GPAT4: variants seen among roughly 807,000 people sequenced by gnomAD.
GPAT4 encodes 1-AGP acyltransferase 6.
GPAT4 carries 17 observed loss-of-function variants against 58.0 expected under a neutral mutation model. The observed-to-expected ratio is 0.29, with a 90% CI of 0.20 to 0.44. The LOEUF (loss-of-function observed/expected upper bound fraction) is 0.44. Ranked by LOEUF, GPAT4 falls within the 20% of genes least tolerant of loss-of-function variation. The pLI is 1.00. For synonymous variants in GPAT4, 204 were observed against 210.1 expected (o/e 0.97, Z 0.25); for missense variants, 377 against 574.5 (o/e 0.66, Z 3.51).
intron 7 of GPAT4, 25 bp downstream of exon 7, chr8:41,612,298 T>C: frequency 6.2e-7 from 1 of 1,612,286 alleles, no homozygotes; most frequent in Non-Finnish European, 8.5e-7. Flanking sequence ...CGGTGCGTTC[T>C]TGAGGCAAGA....
At chr8:41,608,029 A>G (rs770205486) in intron 2 of GPAT4, among the ~76,000 whole-genome samples, 6 of 152,188 alleles carry the variant, frequency 3.9e-5, no homozygotes, top group Non-Finnish European at 7.3e-5. Flanking sequence ...TTATATTAAC[A>G]TTTTTAAAGG....
In GPAT4 at chr8:41,609,984, C is replaced by T. The variant is rs752825794; in HGVS notation, c.536+29C>T. ...AGGCAGGGCCTGCGGGAGTGGGGCTCGCTGCTGCCACCCCACGTGGTGCAC... is the reference window on the plus strand; with the variant it reads ...AGGCAGGGCCTGCGGGAGTGGGGCTTGCTGCTGCCACCCCACGTGGTGCAC... On this transcript the variant is annotated intron_variant, in intron 4 of 12. Transcript: ENST00000396987. 129 of 1,567,038 alleles carry T rather than the reference C, an allele frequency of 8.2e-5. 2 individuals are homozygous for T. In the Admixed American group the frequency reaches 1.2e-3, roughly 15 times the overall value.
At chr8:41,610,183 T>C (rs1803400504) in intron 4 of GPAT4, 2 of 1,378,666 alleles carry the variant, frequency 1.5e-6, no homozygotes, top group Admixed American at 6.7e-5. Context: ...GACAGCTTGC[T>C]TCTCTAGATG....
intron 12 of GPAT4, among the ~76,000 whole-genome samples, chr8:41,619,636 C>T (rs962189676): frequency 2.0e-5 from 3 of 152,216 alleles, no homozygotes; most frequent in African/African-American, 7.2e-5. Flanking sequence ...TTATCCCAAA[C>T]AGTAGGAGAC....
intron 1 of GPAT4, among the ~76,000 whole-genome samples, chr8:41,587,731 A>G (rs916761838): frequency 2.6e-5 from 4 of 152,224 alleles, no homozygotes; most frequent in African/African-American, 9.6e-5. Context: ...GGGTAAAAAA[A>G]TCACCCTTGG....
chr8:41,587,490 C>G (rs1198683005), intron 1 of GPAT4, among the ~76,000 whole-genome samples: 1 of 152,170 alleles, frequency 6.6e-6, no homozygotes, highest in Non-Finnish European at 1.5e-5. Flanking sequence ...GTCAGTATCC[C>G]AGCACATATT....
At chr8:41,596,781 C>T (rs948267272) in intron 1 of GPAT4, among the ~76,000 whole-genome samples, 12 of 152,310 alleles carry the variant, frequency 7.9e-5, no homozygotes, top group African/African-American at 2.2e-4. Context: ...GGACTAGCCG[C>T]GGACAAGAAC....
intron 1 of GPAT4, among the ~76,000 whole-genome samples, chr8:41,583,133 C>T (rs1481969178): frequency 6.6e-6 from 1 of 151,600 alleles, no homozygotes; most frequent in Non-Finnish European, 1.5e-5. Context: ...GGCTGAGGCA[C>T]GAGAATTGCT....
At chr8:41,586,239 C>T (rs971360712) in intron 1 of GPAT4, among the ~76,000 whole-genome samples, 1 of 152,140 alleles carries the variant, frequency 6.6e-6, no homozygotes, top group African/African-American at 2.4e-5. Flanking sequence ...CATGTTATAG[C>T]GTGTATCATT....
intron 1 of GPAT4, among the ~76,000 whole-genome samples, chr8:41,592,229 G>A (rs1802808692): frequency 6.6e-6 from 1 of 152,132 alleles, no homozygotes; most frequent in Admixed American, 6.5e-5. Context: ...CTGCCCACTG[G>A]TTGGGTAATT....
At chr8:41,595,871 G>T (rs556016685) in intron 1 of GPAT4, among the ~76,000 whole-genome samples, 3 of 151,474 alleles carry the variant, frequency 2.0e-5, no homozygotes, top group Non-Finnish European at 4.4e-5. Flanking sequence ...GTCTTTCCTT[G>T]CCTCTGCCAG....
At chr8:41,580,685 T>C (rs1802487502) in intron 1 of GPAT4, among the ~76,000 whole-genome samples, 1 of 152,232 alleles carries the variant, frequency 6.6e-6, no homozygotes. Context: ...CAGGATGGAC[T>C]TTTCTTTTGT....
At chr8:41,608,783 G>A (rs1014142970) in intron 2 of GPAT4, among the ~76,000 whole-genome samples, 5 of 151,954 alleles carry the variant, frequency 3.3e-5, no homozygotes, top group Non-Finnish European at 5.9e-5. Context: ...CTTAATGAAC[G>A]CAGCTAGTGA....
intron 1 of GPAT4, among the ~76,000 whole-genome samples, chr8:41,596,785 C>G (rs1305376881): frequency 6.6e-6 from 1 of 152,198 alleles, no homozygotes; most frequent in Admixed American, 6.5e-5. Flanking sequence ...TAGCCGCGGA[C>G]AAGAACACCT....
intron 9 of GPAT4, 55 bp downstream of exon 9, chr8:41,614,496 T>C (rs1447592396): frequency 1.3e-6 from 2 of 1,553,374 alleles, no homozygotes; most frequent in Non-Finnish European, 1.8e-6. Context: ...AGGAGTGTGA[T>C]GCTGATGTTT....
chr8:41,618,866 G>A, intron 11 of GPAT4, 32 bp from the exon 12 acceptor site: 1 of 1,614,218 alleles, frequency 6.2e-7, no homozygotes, highest in South Asian at 1.1e-5. Flanking sequence ...GTCAAGCCGG[G>A]GCTGAGTGGT....
intron 2 of GPAT4, 109 bp from the exon 3 acceptor site, chr8:41,609,307 G>C (rs1054786684): frequency 8.7e-7 from 1 of 1,146,124 alleles, no homozygotes; most frequent in South Asian, 1.3e-5. Context: ...TCTTGGCTAC[G>C]GTCTTAGGTG....
intron 1 of GPAT4, among the ~76,000 whole-genome samples, chr8:41,595,906 C>G (rs1190100204): frequency 6.6e-6 from 1 of 152,062 alleles, no homozygotes; most frequent in African/African-American, 2.4e-5. Context: ...GTTCTCTCAA[C>G]CACTGTGGCG....
intron 1 of GPAT4, among the ~76,000 whole-genome samples, chr8:41,595,756 C>G (rs1056940341): frequency 6.6e-6 from 1 of 152,084 alleles, no homozygotes; most frequent in Non-Finnish European, 1.5e-5. Context: ...CTCTTCCTCT[C>G]TCTCTGCCTC....
Sources: gnomAD v4.1 joint callset for allele counts (sites outside exome capture counted in the v4.1 genomes callset) on GRCh38, gnomAD v4.1.1 for gene constraint, MANE v1.5 for transcripts, NCBI Gene and HGNC (gene_info 2026-07-23, HGNC 2026-07-21) for gene names.